EPHA6: variants seen among roughly 807,000 people sequenced by gnomAD.
EPHA6 encodes the protein ephrin type-A receptor 6.
In EPHA6, 50 loss-of-function variants were observed where a neutral mutation model predicts 112.0. That is an observed-to-expected ratio of 0.45 (90% CI 0.36 to 0.56). The LOEUF (loss-of-function observed/expected upper bound fraction) is 0.56. Ranked by LOEUF, EPHA6 falls within the 20% of genes least tolerant of loss-of-function variation. The pLI, the probability that EPHA6 is intolerant of heterozygous loss-of-function variation, is 0.00. For missense variants in EPHA6, 1,280 were observed against 1,417.4 expected (o/e 0.90, Z 1.56); for synonymous variants, 529 against 490.7 (o/e 1.08, Z -1.03).
At chr3:97,532,635 C>A in intron 11 of EPHA6, 92 bp downstream of exon 11, 2 of 1,020,482 alleles carry the variant, frequency 2.0e-6, no homozygotes, top group South Asian at 1.8e-5. Context: ...ATACCACAGT[C>A]ATTAAAGGAA....
chr3:97,013,756 T>C (rs2044170020), intron 3 of EPHA6, among the ~76,000 whole-genome samples: 1 of 152,186 alleles, frequency 6.6e-6, no homozygotes, highest in African/African-American at 2.4e-5. Flanking sequence ...AAGATATTTC[T>C]AAAATAAGTA....
intron 3 of EPHA6, among the ~76,000 whole-genome samples, chr3:97,066,893 G>T (rs918595825): frequency 1.3e-5 from 2 of 152,048 alleles, no homozygotes; most frequent in Non-Finnish European, 2.9e-5. Context: ...AAAAAGAAAA[G>T]AATTATGATG....
At chr3:97,494,568 T>C (rs1407520835) in intron 10 of EPHA6, among the ~76,000 whole-genome samples, 2 of 152,104 alleles carry the variant, frequency 1.3e-5, no homozygotes, top group African/African-American at 4.8e-5. Context: ...GAAAATGAGA[T>C]AAAGTAGATT....
intron 11 of EPHA6, among the ~76,000 whole-genome samples, chr3:97,585,274 G>T (rs545191550): frequency 3.9e-5 from 6 of 152,238 alleles, no homozygotes; most frequent in African/African-American, 9.6e-5. Flanking sequence ...CTTTTAAAAA[G>T]TCGAAGAACT....
intron 3 of EPHA6, among the ~76,000 whole-genome samples, chr3:97,195,480 A>G (rs1442982784): frequency 6.6e-6 from 1 of 151,912 alleles, no homozygotes; most frequent in African/African-American, 2.4e-5. Flanking sequence ...TATTTCTGAT[A>G]GGTTTATCTT....
chr3:97,559,690 T>C (rs1337574694), intron 11 of EPHA6: 1 of 448,110 alleles, frequency 2.2e-6, no homozygotes, highest in Admixed American at 2.5e-5. Context: ...AGCTAATGTG[T>C]ATGCTGTCAC....
intron 3 of EPHA6, among the ~76,000 whole-genome samples, chr3:97,052,412 T>A (rs1171773500): frequency 3.3e-5 from 5 of 151,876 alleles, no homozygotes; most frequent in Non-Finnish European, 5.9e-5. Flanking sequence ...GCCAAAGACT[T>A]TAATTTTTTT....
chr3:97,487,580 T>A lies in EPHA6; in HGVS notation c.2200+3521T>A, dbSNP rs141025512. Among the ~76,000 whole-genome samples the A allele has an allele frequency of 2.0e-5, 3 of 152,356 alleles. No individual in the cohort carries two copies. The East Asian group carries it at 5.8e-4, about 29-fold the overall frequency. ...ACTAACCATCAAAATACTGTGCAAC[T>A]GAACCATAAAAATTTAATTTTTCTG... is the stretch of plus-strand genomic sequence containing the variant. On this transcript the variant is annotated intron_variant, in intron 10 of 17. Transcript: ENST00000389672.
At chr3:96,890,644 TA>T (rs1159894531) in intron 2 of EPHA6, among the ~76,000 whole-genome samples, 1 of 152,104 alleles carries the variant, frequency 6.6e-6, no homozygotes, top group South Asian at 2.1e-4. Context: ...AATATGCACA[TA>T]AAAAAATGAC....
chr3:97,169,828 T>C (rs527515611), intron 3 of EPHA6, among the ~76,000 whole-genome samples: 3 of 152,130 alleles, frequency 2.0e-5, no homozygotes, highest in Non-Finnish European at 4.4e-5. Flanking sequence ...TGTTTTTACT[T>C]TAAGTAGATT....
chr3:97,679,892 C>A (rs1247098194), intron 14 of EPHA6, among the ~76,000 whole-genome samples: 1 of 152,130 alleles, frequency 6.6e-6, no homozygotes, highest in African/African-American at 2.4e-5. Flanking sequence ...CCCTTTGTGA[C>A]CCAAAGTGAT....
In EPHA6 at chr3:97,233,163, G is replaced by T. The variant is rs538951156; in HGVS notation, c.1270+6744G>T. 4.6e-3 allele frequency among the ~76,000 whole-genome samples: 701 copies of T among 152,162 alleles called. 1 individual carries two copies. Among genetic ancestry groups the T allele is most frequent in the Non-Finnish European group, 7.2e-3 (493 of 68,010 alleles). On this transcript the variant is annotated intron_variant, in intron 4 of 17. Coordinates refer to ENST00000389672, the MANE Select transcript of EPHA6 (RefSeq NM_001080448.3). ...TTTAACAGCCACCTGACCATCACCT[G>T]GTCATTGCCTGACATTCTTGGGGTG...
At chr3:97,466,161 C>T (rs2091044817) in intron 7 of EPHA6, 2 of 641,670 alleles carry the variant, frequency 3.1e-6, no homozygotes, top group African/African-American at 1.8e-5. Flanking sequence ...AAGGTAAGCA[C>T]ATTTCCACTC....
intron 6 of EPHA6, among the ~76,000 whole-genome samples, chr3:97,421,407 T>A (rs1488885936): frequency 6.6e-6 from 1 of 152,154 alleles, no homozygotes. Context: ...CAATAGCAAC[T>A]TAATCTGTAA....
intron 11 of EPHA6, among the ~76,000 whole-genome samples, chr3:97,565,631 T>A (rs2093253545): frequency 6.6e-6 from 1 of 152,210 alleles, no homozygotes; most frequent in Non-Finnish European, 1.5e-5. Flanking sequence ...TGATAGAATC[T>A]ACCAAGTAAA....
chr3:97,074,789 T>C (rs945612251), intron 3 of EPHA6, among the ~76,000 whole-genome samples: 2 of 152,024 alleles, frequency 1.3e-5, no homozygotes, highest in African/African-American at 2.4e-5. Flanking sequence ...AATTATTCTT[T>C]TCACAACTCT....
chr3:97,422,872 T>G (rs1355223104), intron 6 of EPHA6, among the ~76,000 whole-genome samples: 1 of 152,100 alleles, frequency 6.6e-6, no homozygotes, highest in Non-Finnish European at 1.5e-5. Context: ...CAAATCAATG[T>G]GATTCAGTAA....
chr3:96,913,245 A>T (rs2039320985), intron 2 of EPHA6, among the ~76,000 whole-genome samples: 1 of 151,266 alleles, frequency 6.6e-6, no homozygotes, highest in South Asian at 2.1e-4. Context: ...ACATACCTGT[A>T]GTCCTAACTA....
intron 16 of EPHA6, among the ~76,000 whole-genome samples, chr3:97,742,922 T>A (rs1247569235): frequency 6.6e-6 from 1 of 152,120 alleles, no homozygotes; most frequent in African/African-American, 2.4e-5. Flanking sequence ...TGAAGTGCAG[T>A]CCCTGAGTCA....
Sources: gnomAD v4.1 joint callset for allele counts (sites outside exome capture counted in the v4.1 genomes callset) on GRCh38, gnomAD v4.1.1 for gene constraint, MANE v1.5 for transcripts, NCBI Gene and HGNC (gene_info 2026-07-23, HGNC 2026-07-21) for gene names.